The following TACC2 variants were observed in gnomAD, a reference collection of about 807,000 sequenced individuals.
TACC2 encodes the protein transforming acidic coiled-coil containing protein 2, also known as transforming acidic coiled-coil-containing protein 2.
In TACC2, 137 loss-of-function variants were observed where a neutral mutation model predicts 227.3. The ratio of observed to expected loss-of-function variants is 0.60; its 90% CI spans 0.52 to 0.69. The LOEUF is 0.69. Among genes scored for constraint, TACC2 ranks in the 30% least tolerant of loss-of-function variants. The pLI is 0.00. For synonymous variants in TACC2, 1,523 were observed against 1,487.5 expected, an observed-to-expected ratio of 1.02 and a Z score of -0.55; for missense variants, 3,470 against 3,694.4, an observed-to-expected ratio of 0.94 and a Z score of 1.57.
rs1185497500 is a variant in TACC2, at chr10:122,082,893, TG to T, written c.395del (p.Gly132ValfsTer78). ...CAAGTCCAGCAGCGGCACCTGAAGA[TG>T]GTCCTCAGACTCAGTCTCCCAGGAG... Reference protein sequence around the residue: ...LASPAAAPEDGPQTQSPRREP... With the variant: ...LASPAAAPEDXPQTQSPRREP... On this transcript the variant is annotated frameshift_variant, in exon 4 of 23. Coordinates refer to ENST00000369005, the MANE Select transcript of TACC2 (RefSeq NM_206862.4). LOFTEE classifies it high-confidence loss of function. 1 of 1,613,294 alleles carries T rather than the reference TG, an allele frequency of 6.2e-7. No individual in the cohort carries two copies. The highest frequency in any genetic ancestry group is 8.5e-7 in the Non-Finnish European group (1 of 1,180,010).
intron 16 of TACC2, among the ~76,000 whole-genome samples, chr10:122,232,212 A>C (rs1352711217): frequency 6.6e-6 from 1 of 152,240 alleles, no homozygotes; most frequent in African/African-American, 2.4e-5. Context: ...TCCCCCCACT[A>C]GATTTATTTC....
chr10:122,122,731 G>T (rs919339841), intron 5 of TACC2, among the ~76,000 whole-genome samples: 18 of 152,078 alleles, frequency 1.2e-4, no homozygotes, highest in African/African-American at 3.9e-4. Flanking sequence ...TCTGTTCTTC[G>T]CCCTCTTAAG....
In TACC2 at chr10:122,006,451, A is replaced by AAAATAAATAAAT. The variant is rs147969943; in HGVS notation, c.-45-15466_-45-15455dup. On this transcript the variant is annotated intron_variant, in intron 1 of 22. Transcript: ENST00000369005. The stretch of plus-strand genomic sequence containing the variant: ...GCTACAGAGTGAGACTCAGTCTCAA[A>AAAATAAATAAAT]AAATAAATAAATAAATAAATAAATA... Among the ~76,000 whole-genome samples the AAAATAAATAAAT allele has an allele frequency of 1.8e-3, 269 of 149,342 alleles. 4 individuals carry two copies. The highest frequency in any genetic ancestry group is 0.014 in the Middle Eastern group (4 of 288).
At position 122,086,565 on chromosome 10, in the gene TACC2, C is replaced by A; in HGVS notation, c.4065C>A (p.Ala1355=). 1 of 1,603,528 alleles carries A rather than the reference C, an allele frequency of 6.2e-7. No individual in the cohort carries two copies. Among genetic ancestry groups the A allele is most frequent in the Non-Finnish European group, 8.5e-7 (1 of 1,174,758 alleles). The change falls in exon 4 of 23, where the codon GCC becomes GCA. Residue 1355 remains alanine (A), a synonymous_variant. Transcript: ENST00000369005. Reference sequence around the variant, plus strand: ...CAGCAACAGCTCCAGGTGCAGGTGCCAAGGCCAGTGGGGAGGGCATGGCAG... The same window carrying A: ...CAGCAACAGCTCCAGGTGCAGGTGCAAAGGCCAGTGGGGAGGGCATGGCAG... ...EKAATAPGAG[A]KASGEGMAGD...
At chr10:122,098,422 T>A (rs906187281) in intron 5 of TACC2, among the ~76,000 whole-genome samples, 4 of 152,154 alleles carry the variant, frequency 2.6e-5, no homozygotes, top group African/African-American at 9.7e-5. Context: ...AGCTATCAGG[T>A]GAGTCTGAGG....
chr10:122,190,316 C>T (rs992547470), intron 7 of TACC2, among the ~76,000 whole-genome samples: 10 of 152,196 alleles, frequency 6.6e-5, no homozygotes, highest in Admixed American at 2.6e-4. Context: ...CCAATTTCCA[C>T]GCCCTTCTTT....
intron 22 of TACC2, among the ~76,000 whole-genome samples, chr10:122,250,732 A>G (rs1038680913): frequency 6.6e-6 from 1 of 151,856 alleles, no homozygotes; most frequent in African/African-American, 2.4e-5. Flanking sequence ...CAAGCCTCGC[A>G]CCCCACCTCA....
rs1957392526 is a variant in TACC2, at chr10:122,021,959, G to T, written c.-23G>T. On this transcript the variant is annotated 5_prime_UTR_variant, in exon 2 of 23. Coordinates refer to ENST00000369005, the MANE Select transcript of TACC2 (RefSeq NM_206862.4). ...CAGTCACCTCTGACAAAATTCTGGG[G>T]ACGCTGGGAACACTGAATCAACATG... 1 of 1,613,786 alleles carries T rather than the reference G, an allele frequency of 6.2e-7. No homozygotes were observed. Among genetic ancestry groups the T allele is most frequent in the African/African-American group, 1.3e-5 (1 of 74,874 alleles).
chr10:122,187,449 C>G lies in TACC2; in HGVS notation c.5835-7591C>G, dbSNP rs59585837. Among the ~76,000 whole-genome samples, 2,236 of 152,316 alleles carry G rather than the reference C, an allele frequency of 0.015. 148 individuals carry two copies. In the East Asian group the frequency reaches 0.23, roughly 16 times the overall value. On this transcript the variant is annotated intron_variant, in intron 7 of 22. Transcript: ENST00000369005. ...GACCAAGTAAAATAGAGGACTTGGT[C>G]TGCTTGCTAGCAGAATTACATTTCC...
chr10:122,117,834 T>C (rs1175721680), intron 5 of TACC2, among the ~76,000 whole-genome samples: 1 of 152,096 alleles, frequency 6.6e-6, no homozygotes, highest in Non-Finnish European at 1.5e-5. Flanking sequence ...ACATTCTAAA[T>C]TGACAAGAGA....
Position 122,086,893 on chromosome 10 carries a change from G to T in TACC2, c.4393G>T (p.Ala1465Ser). Residue 1465 changes from alanine to serine, a missense_variant, in exon 4 of 23, where the codon GCA (alanine) becomes TCA (serine). Physicochemically the swap from Ala to Ser is moderately conservative, Grantham distance 99. Coordinates refer to ENST00000369005, the MANE Select transcript of TACC2 (RefSeq NM_206862.4). ...AGGAGTGGATGTCACCCTTCTCCCT[G>T]CACCTCCTGCTCGACTCCAGGTGGA... ...PPGVDVTLLP[A>S]PPARLQVEKK... is the part of the protein sequence containing the mutation. 1.2e-6 allele frequency: 2 copies of T among 1,613,954 alleles called. No individual in the cohort carries two copies. Among genetic ancestry groups the T allele is most frequent in the South Asian group, 1.1e-5 (1 of 91,072 alleles).
intron 1 of TACC2, among the ~76,000 whole-genome samples, chr10:122,015,228 G>A (rs1293373932): frequency 3.3e-5 from 5 of 152,074 alleles, no homozygotes; most frequent in South Asian, 4.1e-4. Flanking sequence ...ATGTTGGCCC[G>A]GCACGGTGGC....
chr10:122,220,306 C>G (rs1234173354), intron 11 of TACC2, among the ~76,000 whole-genome samples: 1 of 152,016 alleles, frequency 6.6e-6, no homozygotes, highest in African/African-American at 2.4e-5. Flanking sequence ...AAAAATTGAA[C>G]AAATATGTAA....
At chr10:122,181,201 C>T (rs2093961334) in intron 7 of TACC2, among the ~76,000 whole-genome samples, 1 of 152,134 alleles carries the variant, frequency 6.6e-6, no homozygotes, top group South Asian at 2.1e-4. Flanking sequence ...AATTCCTCGC[C>T]CACAGCCACT....
In TACC2 at chr10:122,050,148, G is replaced by A. The variant is rs1489391070; in HGVS notation, c.34-290G>A. ...CTCCTAGGGAGCAAGTGACCCCAAA[G>A]TGTGGTAGGTGTCCCCAGTTTTGGT... On this transcript the variant is annotated intron_variant, in intron 2 of 22. Coordinates refer to ENST00000369005, the MANE Select transcript of TACC2 (RefSeq NM_206862.4). The surrounding 1 kb of genome is among the most constrained non-coding windows in gnomAD (Gnocchi z 4.6). 2.0e-5 allele frequency among the ~76,000 whole-genome samples: 3 copies of A among 152,302 alleles called. No individual in the cohort carries two copies. Among genetic ancestry groups the A allele is most frequent in the East Asian group, 1.9e-4 (1 of 5,188 alleles).
intron 7 of TACC2, among the ~76,000 whole-genome samples, chr10:122,176,752 G>A (rs1303148019): frequency 2.0e-5 from 3 of 152,182 alleles, no homozygotes; most frequent in Non-Finnish European, 4.4e-5. Flanking sequence ...AGGTTCTTTG[G>A]CTGGGCTACA....
At chr10:122,163,570 TCA>T in intron 7 of TACC2, 3 of 996,254 alleles carry the variant, frequency 3.0e-6, no homozygotes, top group East Asian at 2.2e-4. Flanking sequence ...CATCATCGTG[TCA>T]CACACAGGAG....
At chr10:122,013,747 G>A (rs1956223759) in intron 1 of TACC2, among the ~76,000 whole-genome samples, 1 of 152,222 alleles carries the variant, frequency 6.6e-6, no homozygotes, top group South Asian at 2.1e-4. Context: ...GAGCTTGCTG[G>A]TCTGGTCTGG....
chr10:122,083,942 A>C lies in TACC2; in HGVS notation c.1442A>C (p.His481Pro). The C allele has an allele frequency of 6.2e-7, 1 of 1,614,074 alleles. No homozygotes were observed. The highest frequency in any genetic ancestry group is 8.5e-7 in the Non-Finnish European group (1 of 1,180,012). The change falls in exon 4 of 23, where the codon CAT becomes CCT. Residue 481 changes from histidine to proline, a missense_variant. Physicochemically the swap from His to Pro is moderately conservative, Grantham distance 77 (BLOSUM62 -2). Coordinates refer to ENST00000369005, the MANE Select transcript of TACC2 (RefSeq NM_206862.4). Reference protein sequence around the residue: ...QVSDLGSKGEHPEGDPGEVPA... With the variant: ...QVSDLGSKGEPPEGDPGEVPA... ...TCAGATCTTGGAAGCAAGGGAGAGC[A>C]TCCAGAAGGGGACCCTGGAGAGGTT...
Sources: allele counts gnomAD v4.1 joint callset (sites outside exome capture counted in the v4.1 genomes callset), GRCh38; gene constraint gnomAD v4.1.1; non-coding constraint Gnocchi (gnomAD v3.1); transcripts MANE v1.5; gene names NCBI Gene and HGNC (gene_info 2026-07-23, HGNC 2026-07-21).